The following TAF8 variants were observed in gnomAD, a reference collection of about 807,000 sequenced individuals.
TAF8 encodes transcription initiation factor TFIID subunit 8.
In TAF8, 47 loss-of-function variants were observed where a neutral mutation model predicts 36.5. The ratio of observed to expected loss-of-function variants is 1.29; its 90% confidence interval spans 1.02 to 1.64. The LOEUF (loss-of-function observed/expected upper bound fraction) is 1.64. Ranked by LOEUF, TAF8 falls within the 40% of genes most tolerant of loss-of-function variation. The probability of loss-of-function intolerance (pLI) is 0.00; values close to 1 mark genes in which losing one functional copy is unlikely to be tolerated. For missense variants in TAF8, 420 were observed against 407.6 expected (o/e 1.03, Z -0.26); for synonymous variants, 175 against 159.5 (o/e 1.10, Z -0.73).
chr6:42,063,561 G>A (rs1324602191), intron 5 of TAF8: 1 of 152,124 alleles, frequency 6.6e-6, no homozygotes, highest in East Asian at 1.9e-4. Context: ...AATTGCCTCT[G>A]CTTTTTATTT....
intron 6 of TAF8, among the ~76,000 whole-genome samples, chr6:42,067,309 C>G (rs1012836712): frequency 3.3e-5 from 5 of 152,212 alleles, no homozygotes; most frequent in East Asian, 1.9e-4. Flanking sequence ...ACCTCCGCCT[C>G]CCGGGTTCCA....
Position 42,080,638 on chromosome 6 carries a change from T to C in TAF8, c.*3093T>C, listed in dbSNP as rs531941975. ...TGATCCACCCACCTCGGCCTCCCAG[T>C]GTGGGTGGGATTACAGGCATGAGCC... On this transcript the variant is annotated 3_prime_UTR_variant, in exon 9 of 9. Transcript: ENST00000372977. 5.8e-4 allele frequency: 541 copies of C among 932,114 alleles called. 3 individuals are homozygous for C. Among genetic ancestry groups the C allele is most frequent in the African/African-American group, 5.4e-3 (303 of 56,126 alleles). 57.7% of individuals were successfully genotyped at this position (932,114 alleles called of 1,614,324 possible).
rs761660112 is a variant in TAF8 at position 42,051,401 on chromosome 6, T to C, written c.90T>C (p.His30=). The C allele has an allele frequency of 9.9e-6, 16 of 1,614,026 alleles. No homozygotes were observed. The highest frequency in any genetic ancestry group is 2.2e-5 in the East Asian group (1 of 44,900). Residue 30 remains histidine (H), a synonymous_variant, in exon 2 of 9, where the codon CAT becomes CAC. Transcript: ENST00000372977. The part of the protein sequence containing the change: ...KQSTNPADNY[H]LARRRTLQVV... ...CCACTAACCCTGCCGATAACTATCA[T>C]CTGGCCCGGAGGAGAACCCTGCAGG...
rs189223304 is a variant in TAF8, at chr6:42,074,827, C to T, written c.781-2273C>T. On this transcript the variant is annotated intron_variant, in intron 7 of 8. Transcript: ENST00000372977. ...GCTAGATTACAGGCGTGAGCCACCA[C>T]GCCTGGCCTACTTTTTTTTTTTTTT... is the stretch of plus-strand genomic sequence containing the variant. Among the ~76,000 whole-genome samples, 483 of 142,334 alleles carry T rather than the reference C, an allele frequency of 3.4e-3. 3 individuals carry two copies. Among genetic ancestry groups the T allele is most frequent in the African/African-American group, 0.012 (456 of 38,436 alleles). The allele number at this position is 142,334 out of a possible 152,430, so 93.4% of individuals were successfully genotyped here.
chr6:42,086,841 G>T, downstream of TAF8: 1 of 1,253,178 alleles, frequency 8.0e-7, no homozygotes, highest in Admixed American at 2.0e-5. Flanking sequence ...GCAAACCCAG[G>T]CTCTGTGCTC....
intron 5 of TAF8, 28 bp from the exon 6 acceptor site, chr6:42,066,284 C>T: frequency 6.2e-7 from 1 of 1,611,558 alleles, no homozygotes; most frequent in Non-Finnish European, 8.5e-7. Context: ...TCGGCATCAC[C>T]CCAGTGTCTT....
chr6:42,077,408 G>A (rs1562021970), intron 8 of TAF8, 125 bp from the exon 9 acceptor site: 1 of 1,544,058 alleles, frequency 6.5e-7, no homozygotes. Context: ...CATAGCTCTT[G>A]TTCCTTAGTG....
rs575743751 is a variant in TAF8 at position 42,050,577 on chromosome 6, C to G, written c.36C>G (p.Gly12=). Reference sequence around the variant, plus strand: ...CGGCGGCCACAGCTGGGGCCGGTGGCTCCGGAACGGTAAGGGCAGGAAGCG... The same window carrying G: ...CGGCGGCCACAGCTGGGGCCGGTGGGTCCGGAACGGTAAGGGCAGGAAGCG... The part of the protein sequence containing the change: ...ADAAATAGAG[G]SGTRSGSKQS... The change falls in exon 1 of 9, where the codon GGC becomes GGG. Residue 12 remains glycine (G), a synonymous_variant. Transcript: ENST00000372977. 6.4e-7 allele frequency: 1 copy of G among 1,553,610 alleles called. No individual in the cohort carries two copies. The highest frequency in any genetic ancestry group is 1.2e-5 in the South Asian group (1 of 84,406).
chr6:42,068,715 T>C (rs1765454395), intron 7 of TAF8, 108 bp downstream of exon 7: 1 of 1,391,662 alleles, frequency 7.2e-7, no homozygotes, highest in African/African-American at 1.4e-5. Context: ...TCTCTTTGGC[T>C]TTCTGTTAGG....
At position 42,079,670 on chromosome 6, in the gene TAF8, C is replaced by T. The variant is rs1765862819; in HGVS notation, c.*2125C>T. ...CTCCACTCCCCGGGTTCAAGCAATTCTCAGAGTAGCTGGGATTACAGATGC... is the reference window on the plus strand; with the variant it reads ...CTCCACTCCCCGGGTTCAAGCAATTTTCAGAGTAGCTGGGATTACAGATGC... On this transcript the variant is annotated 3_prime_UTR_variant, in exon 9 of 9. Transcript: ENST00000372977. 1 of 756,448 alleles carries T rather than the reference C, an allele frequency of 1.3e-6. No individual in the cohort carries two copies. Among genetic ancestry groups the T allele is most frequent in the Admixed American group, 6.3e-5 (1 of 15,876 alleles). 46.9% of individuals were successfully genotyped at this position (756,448 alleles called of 1,614,324 possible). A position where few individuals can be genotyped will look rare whatever the true frequency, so the allele number is the denominator to read the frequency against.
chr6:42,084,993 A>G (rs924307955), downstream of TAF8, among the ~76,000 whole-genome samples: 2 of 152,360 alleles, frequency 1.3e-5, no homozygotes, highest in East Asian at 1.9e-4. Context: ...GGAGACTTCC[A>G]TAAGAGCAAA....
chr6:42,080,896 GTAAA>G lies in TAF8; in HGVS notation c.*3358_*3361del. 2.0e-6 allele frequency: 2 copies of G among 982,018 alleles called. No individual in the cohort carries two copies. Among genetic ancestry groups the G allele is most frequent in the Non-Finnish European group, 2.4e-6 (2 of 826,928 alleles). 60.8% of individuals were successfully genotyped at this position (982,018 alleles called of 1,614,324 possible). ...AATAAAAATTCATAATAAAAACTTTGTAAATAAATAGAACTGTAAGCTTTGAACT... is the reference window on the plus strand; with the variant it reads ...AATAAAAATTCATAATAAAAACTTTGTAAATAGAACTGTAAGCTTTGAACT... On this transcript the variant is annotated 3_prime_UTR_variant, in exon 9 of 9. Transcript: ENST00000372977.
At position 42,079,247 on chromosome 6, in the gene TAF8, G is replaced by A; in HGVS notation, c.*1702G>A. 1.0e-6 allele frequency: 1 copy of A among 985,622 alleles called. No individual in the cohort carries two copies. Among genetic ancestry groups the A allele is most frequent in the Non-Finnish European group, 1.2e-6 (1 of 830,008 alleles). 61.1% of individuals were successfully genotyped at this position (985,622 alleles called of 1,614,324 possible). A position where few individuals can be genotyped will look rare whatever the true frequency, so the allele number is the denominator to read the frequency against. ...GAAACGGCTGGTCAGCTGGAAGGCT[G>A]GTGGATGGGCAGGAGTGAGCCAAGC... On this transcript the variant is annotated 3_prime_UTR_variant, in exon 9 of 9. Coordinates refer to ENST00000372977, the MANE Select transcript of TAF8 (RefSeq NM_138572.3).
intron 2 of TAF8, 30 bp from the exon 3 acceptor site, chr6:42,055,501 A>G (rs770927193): frequency 2.0e-6 from 3 of 1,468,540 alleles, no homozygotes; most frequent in Non-Finnish European, 1.9e-6. Context: ...GGAACTGAGA[A>G]TAAGTTTTAT....
At chr6:42,052,493 T>C (rs1764830165) in intron 2 of TAF8, among the ~76,000 whole-genome samples, 1 of 152,154 alleles carries the variant, frequency 6.6e-6, no homozygotes, top group South Asian at 2.1e-4. Context: ...GGCTAATTTT[T>C]GTATTTTTAG....
At chr6:42,052,538 T>C (rs993571613) in intron 2 of TAF8, among the ~76,000 whole-genome samples, 2 of 152,188 alleles carry the variant, frequency 1.3e-5, no homozygotes, top group Non-Finnish European at 2.9e-5. Flanking sequence ...GCCAGGCTGG[T>C]CTTGAACTCC....
chr6:42,070,528 C>T (rs1160720137), intron 7 of TAF8, among the ~76,000 whole-genome samples: 2 of 152,106 alleles, frequency 1.3e-5, no homozygotes, highest in Admixed American at 1.3e-4. Flanking sequence ...CTTAACCTCA[C>T]TAGCCACATT....
chr6:42,072,892 T>A (rs1049666316), intron 7 of TAF8, among the ~76,000 whole-genome samples: 4 of 151,746 alleles, frequency 2.6e-5, no homozygotes, highest in Non-Finnish European at 5.9e-5. Flanking sequence ...CCGGCTAATT[T>A]TTTTGTATTT....
chr6:42,066,727 C>A (rs1442956069), intron 6 of TAF8, among the ~76,000 whole-genome samples: 2 of 152,162 alleles, frequency 1.3e-5, no homozygotes, highest in Non-Finnish European at 2.9e-5. Context: ...ATCAGAGACA[C>A]TTGGTGGCAG....
Sources: gnomAD v4.1 joint callset for allele counts (sites outside exome capture counted in the v4.1 genomes callset) on GRCh38, gnomAD v4.1.1 for gene constraint, MANE v1.5 for transcripts, NCBI Gene and HGNC (gene_info 2026-07-23, HGNC 2026-07-21) for gene names.